The following ASPRV1 variants were observed in gnomAD, a reference collection of about 807,000 sequenced individuals.
ASPRV1 encodes the protein aspartic peptidase retroviral like 1.
Under a neutral mutation model 11.0 loss-of-function variants are expected in ASPRV1, and 7 were observed. The observed-to-expected ratio is 0.64, with a 90% CI of 0.36 to 1.20. The LOEUF (loss-of-function observed/expected upper bound fraction) is 1.20. Among genes scored for constraint, ASPRV1 ranks in the 50% most tolerant of loss-of-function variants. The pLI is 0.02. For synonymous variants in ASPRV1, 136 were observed against 138.4 expected, an observed-to-expected ratio of 0.98 and a Z score of 0.12; for missense variants, 299 against 320.0, an observed-to-expected ratio of 0.93 and a Z score of 0.50.
At chr2:70,029,106 G>A in the ASPRV1 span, among the ~76,000 whole-genome samples, 1 of 152,242 alleles carries the variant, frequency 6.6e-6, no homozygotes, top group East Asian at 1.9e-4. Flanking sequence ...TGTCATTCGA[G>A]AGCAAACCCA....
chr2:70,043,630 T>C, the ASPRV1 span, among the ~76,000 whole-genome samples: 3 of 152,228 alleles, frequency 2.0e-5, no homozygotes, highest in Non-Finnish European at 2.9e-5. Context: ...AGACCAGAAG[T>C]TGTCCGTGAC....
chr2:69,962,802 G>C, upstream of ASPRV1: 1 of 177,638 alleles, frequency 5.6e-6, no homozygotes, highest in Admixed American at 5.4e-5. Flanking sequence ...TCACAAGTCT[G>C]CCTCTTGCTA....
chr2:69,942,852 AACT>A, the ASPRV1 span: 1 of 152,070 alleles, frequency 6.6e-6, no homozygotes, highest in Non-Finnish European at 1.5e-5. Flanking sequence ...CATTTTTAGA[AACT>A]ACTACATGTT....
Position 69,960,475 on chromosome 2 carries a change from A to T in ASPRV1, c.*182T>A, listed in dbSNP as rs1468812094. ...TGCTCTCCCTCACCTGTGCCTGTTCAGTGGAAGCCTCCCCTACCAGGGGCA... is the reference window on the plus strand; with the variant it reads ...TGCTCTCCCTCACCTGTGCCTGTTCTGTGGAAGCCTCCCCTACCAGGGGCA... On this transcript the variant is annotated 3_prime_UTR_variant, in exon 1 of 1. Transcript: ENST00000320256. The T allele has an allele frequency of 4.7e-6, 3 of 639,642 alleles. No individual in the cohort carries two copies. The highest frequency in any genetic ancestry group is 5.3e-6 in the Non-Finnish European group (2 of 376,284). 39.6% of individuals were successfully genotyped at this position (639,642 alleles called of 1,614,324 possible).
At chr2:69,978,086 T>C in the ASPRV1 span, among the ~76,000 whole-genome samples, 2 of 152,188 alleles carry the variant, frequency 1.3e-5, no homozygotes, top group Non-Finnish European at 2.9e-5. Context: ...TTTGCACAAA[T>C]GCAACTGGCC....
the ASPRV1 span, among the ~76,000 whole-genome samples, chr2:70,062,001 T>C: frequency 6.7e-6 from 1 of 149,094 alleles, no homozygotes; most frequent in Non-Finnish European, 1.5e-5. Flanking sequence ...ATCATAGATA[T>C]CTTTGGCTGA....
downstream of ASPRV1, among the ~76,000 whole-genome samples, chr2:69,959,655 C>T (rs61217590): frequency 0.012 from 1,863 of 152,258 alleles, 33 homozygotes; most frequent in African/African-American, 0.043. Flanking sequence ...GGCTGCCCCA[C>T]ACAGGTCAAC....
chr2:70,008,264 T>C, the ASPRV1 span, among the ~76,000 whole-genome samples: 1 of 152,192 alleles, frequency 6.6e-6, no homozygotes, highest in Non-Finnish European at 1.5e-5. Flanking sequence ...ATATGAGTAA[T>C]ATAATACAAG....
the ASPRV1 span, among the ~76,000 whole-genome samples, chr2:69,976,887 G>A: frequency 6.6e-6 from 1 of 152,126 alleles, no homozygotes; most frequent in South Asian, 2.1e-4. Context: ...ATACACCGAG[G>A]AGACACAAAC....
At chr2:70,011,022 C>G in the ASPRV1 span, among the ~76,000 whole-genome samples, 1 of 152,102 alleles carries the variant, frequency 6.6e-6, no homozygotes, top group Non-Finnish European at 1.5e-5. Context: ...AAACCAACTA[C>G]CACATGTTCT....
At chr2:70,040,698 G>C in the ASPRV1 span, among the ~76,000 whole-genome samples, 1 of 152,134 alleles carries the variant, frequency 6.6e-6, no homozygotes, top group South Asian at 2.1e-4. Context: ...GCCGGGCGCA[G>C]TGGCAGGCCC....
the ASPRV1 span, chr2:70,050,687 C>A: frequency 2.6e-5 from 4 of 152,148 alleles, no homozygotes; most frequent in African/African-American, 9.6e-5. Flanking sequence ...CAGTGCTTCA[C>A]ACCTGTAACC....
At chr2:69,933,304 G>T in the ASPRV1 span, among the ~76,000 whole-genome samples, 4 of 150,882 alleles carry the variant, frequency 2.7e-5, no homozygotes, top group Non-Finnish European at 5.9e-5. Context: ...CTTTCTCATA[G>T]TGTTTCTAAT....
the ASPRV1 span, among the ~76,000 whole-genome samples, chr2:69,948,004 T>C: frequency 2.0e-5 from 3 of 151,924 alleles, no homozygotes; most frequent in African/African-American, 7.3e-5. Context: ...AGAATAGTGG[T>C]TCTATGGAAC....
the ASPRV1 span, among the ~76,000 whole-genome samples, chr2:70,057,425 C>T: frequency 6.6e-6 from 1 of 152,014 alleles, no homozygotes; most frequent in Non-Finnish European, 1.5e-5. Flanking sequence ...TCCACATCAG[C>T]TTGTTTATGT....
the ASPRV1 span, among the ~76,000 whole-genome samples, chr2:69,980,639 TGTTA>T: frequency 6.6e-6 from 1 of 152,168 alleles, no homozygotes; most frequent in Non-Finnish European, 1.5e-5. Flanking sequence ...ATCATACCAA[TGTTA>T]GTTTATTAGT....
At chr2:70,082,956 G>C in the ASPRV1 span, among the ~76,000 whole-genome samples, 1 of 151,742 alleles carries the variant, frequency 6.6e-6, no homozygotes, top group African/African-American at 2.4e-5. Flanking sequence ...GCTGAACCAG[G>C]TAGGTTACAG....
chr2:70,072,461 G>A, the ASPRV1 span, among the ~76,000 whole-genome samples: 14 of 149,988 alleles, frequency 9.3e-5, no homozygotes, highest in East Asian at 1.7e-3. Flanking sequence ...AGTGGCTCAC[G>A]CCTGTAATCC....
downstream of ASPRV1, among the ~76,000 whole-genome samples, chr2:69,959,243 G>A (rs933698927): frequency 3.3e-5 from 5 of 152,082 alleles, no homozygotes; most frequent in African/African-American, 9.7e-5. Flanking sequence ...ATCCCTGCAC[G>A]TTCGAGTCTC....
Sources: allele counts gnomAD v4.1 joint callset (sites outside exome capture counted in the v4.1 genomes callset), GRCh38; gene constraint gnomAD v4.1.1; transcripts MANE v1.5; gene names NCBI Gene and HGNC (gene_info 2026-07-23, HGNC 2026-07-21).